The following DOCK1 variants were observed in gnomAD, a reference collection of about 807,000 sequenced individuals.
DOCK1 encodes the protein dedicator of cytokinesis protein 1.
Under a neutral mutation model 262.7 loss-of-function variants are expected in DOCK1, and 138 were observed. The ratio of observed to expected loss-of-function variants is 0.53; its 90% CI spans 0.46 to 0.61. The LOEUF is 0.61. Ranked by LOEUF, DOCK1 falls within the 20% of genes least tolerant of loss-of-function variation. The pLI is 0.00. For missense variants in DOCK1, 1,908 were observed against 2,370.7 expected, an observed-to-expected ratio of 0.80 and a Z score of 4.05; for synonymous variants, 866 against 867.4, an observed-to-expected ratio of 1.00 and a Z score of 0.03.
Position 127,416,804 on chromosome 10 carries a change from G to A in DOCK1, c.4516-1561G>A, listed in dbSNP as rs2068182148. ...TGCATTTGTTGAAGCTGTGTGCCCG[G>A]GATGAAATGTCGTAGGGCCTGGCAA... On this transcript the variant is annotated intron_variant, in intron 44 of 51. Transcript: ENST00000623213. 1.3e-5 allele frequency among the ~76,000 whole-genome samples: 2 copies of A among 152,202 alleles called. 1 individual carries two copies. The highest frequency in any genetic ancestry group is 4.1e-4 in the South Asian group (2 of 4,822).
intron 51 of DOCK1, among the ~76,000 whole-genome samples, chr10:127,450,945 C>T (rs1016240390): frequency 3.3e-5 from 5 of 152,154 alleles, no homozygotes; most frequent in Non-Finnish European, 7.3e-5. Flanking sequence ...CTAACCTTTG[C>T]CCGAAGCTCA....
At chr10:127,179,695 A>G (rs912687899) in intron 27 of DOCK1, among the ~76,000 whole-genome samples, 1 of 152,192 alleles carries the variant, frequency 6.6e-6, no homozygotes, top group South Asian at 2.1e-4. Flanking sequence ...TTGTTATGAA[A>G]GGAAATGGGG....
At chr10:127,030,152 G>A (rs775458971) in intron 16 of DOCK1, among the ~76,000 whole-genome samples, 4 of 152,132 alleles carry the variant, frequency 2.6e-5, no homozygotes, top group Non-Finnish European at 5.9e-5. Flanking sequence ...ATTTTGAGCC[G>A]TGGACTCAAG....
At position 127,127,749 on chromosome 10, in the gene DOCK1, A is replaced by G. The variant is rs1060561; in HGVS notation, c.2832A>G (p.Arg944=). 0.84 allele frequency: 1,352,961 copies of G among 1,612,032 alleles called. 573,571 individuals carry two copies. The highest frequency in any genetic ancestry group is 0.9 in the South Asian group (81,870 of 90,954). ...TVNRTVISMG[R]DSELIGNFVA... is the part of the protein sequence containing the mutation. ...ACCGAACCGTCATTTCCATGGGACGAGATTCTGAACTCATTGTAAGTGCTT... is the reference window on the plus strand; with the variant it reads ...ACCGAACCGTCATTTCCATGGGACGGGATTCTGAACTCATTGTAAGTGCTT... Residue 944 remains arginine, a synonymous_variant, in exon 27 of 52, where the codon CGA becomes CGG. Coordinates refer to ENST00000623213, the MANE Select transcript of DOCK1 (RefSeq NM_001290223.2).
rs1242890428 is a variant in DOCK1, at chr10:127,309,097, T to G, written c.3045-29909T>G. Reference sequence around the variant, plus strand: ...ATTTCTCCACAGCCTCGCCAGTATCTGTTGTTTCTTGACTTTTTAATAATC... The same window carrying G: ...ATTTCTCCACAGCCTCGCCAGTATCGGTTGTTTCTTGACTTTTTAATAATC... On this transcript the variant is annotated intron_variant, in intron 29 of 51. Coordinates refer to ENST00000623213, the MANE Select transcript of DOCK1 (RefSeq NM_001290223.2). Among the ~76,000 whole-genome samples the G allele has an allele frequency of 2.0e-5, 3 of 152,322 alleles. No individual in the cohort carries two copies. The East Asian group carries it at 5.8e-4, about 29-fold the overall frequency.
At chr10:127,087,808 CA>C (rs2047283955) in intron 23 of DOCK1, among the ~76,000 whole-genome samples, 1 of 152,158 alleles carries the variant, frequency 6.6e-6, no homozygotes, top group South Asian at 2.1e-4. Context: ...ACTTTGGCTA[CA>C]AATACACATC....
chr10:127,238,678 G>C (rs1327225633), intron 27 of DOCK1, among the ~76,000 whole-genome samples: 1 of 152,018 alleles, frequency 6.6e-6, no homozygotes, highest in Non-Finnish European at 1.5e-5. Flanking sequence ...ACGTGGCCAG[G>C]GGAGCCTCCC....
At chr10:127,344,906 G>A (rs962548903) in intron 31 of DOCK1, among the ~76,000 whole-genome samples, 8 of 152,080 alleles carry the variant, frequency 5.3e-5, no homozygotes, top group African/African-American at 1.7e-4. Flanking sequence ...TTATAGTCAC[G>A]TACTGCATAA....
At position 126,948,901 on chromosome 10, in the gene DOCK1, G is replaced by A. The variant is rs945483482; in HGVS notation, c.47-21801G>A. Among the ~76,000 whole-genome samples the A allele has an allele frequency of 1.4e-3, 210 of 152,224 alleles. 1 individual carries two copies. Among genetic ancestry groups the A allele is most frequent in the East Asian group, 1.2e-3 (6 of 5,152 alleles). ...TGGCCCAGGGTAGTACTGGGGTTGC[G>A]TGAGAAGGCAGGTCTGGAGCTGGTT... On this transcript the variant is annotated intron_variant, in intron 1 of 51. Coordinates refer to ENST00000623213, the MANE Select transcript of DOCK1 (RefSeq NM_001290223.2).
rs78381385 is a variant in DOCK1 at position 127,040,475 on chromosome 10, G to A, written c.2011-2150G>A. ...CCTCTCTCCCAAAGGAAACGGATGA[G>A]GCTCATGCTGGGCATGCTGGACATC... On this transcript the variant is annotated intron_variant, in intron 19 of 51. Coordinates refer to ENST00000623213, the MANE Select transcript of DOCK1 (RefSeq NM_001290223.2). Among the ~76,000 whole-genome samples the A allele has an allele frequency of 2.8e-3, 430 of 152,262 alleles. 3 individuals are homozygous for A. The highest frequency in any genetic ancestry group is 9.7e-3 in the African/African-American group (404 of 41,550).
At chr10:127,257,736 C>G (rs1431655687) in intron 29 of DOCK1, 1 of 231,916 alleles carries the variant, frequency 4.3e-6, no homozygotes, top group Non-Finnish European at 8.6e-6. Context: ...GCTCTGCGCT[C>G]TCATGTTACC....
intron 27 of DOCK1, among the ~76,000 whole-genome samples, chr10:127,188,414 G>A (rs187658169): frequency 2.0e-5 from 3 of 152,156 alleles, no homozygotes; most frequent in African/African-American, 4.8e-5. Flanking sequence ...GGTTGGAGAC[G>A]CAAAACATTT....
At chr10:127,331,258 TTTG>T (rs1045704173) in intron 29 of DOCK1, among the ~76,000 whole-genome samples, 12 of 151,980 alleles carry the variant, frequency 7.9e-5, no homozygotes, top group Admixed American at 1.3e-4. Context: ...TGACTCAGTT[TTTG>T]TTGTTGTTGT....
chr10:127,070,379 G>A (rs1445830262), intron 23 of DOCK1, among the ~76,000 whole-genome samples: 2 of 145,134 alleles, frequency 1.4e-5, no homozygotes, highest in East Asian at 4.2e-4. Context: ...TCAGCCTCCC[G>A]AGTAGCTGGG....
At chr10:127,130,890 G>T (rs1229457621) in intron 27 of DOCK1, among the ~76,000 whole-genome samples, 1 of 152,138 alleles carries the variant, frequency 6.6e-6, no homozygotes, top group Non-Finnish European at 1.5e-5. Flanking sequence ...AGAAGTCATC[G>T]AAAGGACTGA....
At chr10:127,231,127 G>A (rs1463194416) in intron 27 of DOCK1, among the ~76,000 whole-genome samples, 1 of 151,602 alleles carries the variant, frequency 6.6e-6, no homozygotes, top group African/African-American at 2.4e-5. Context: ...AGAAATTTTT[G>A]TTTTAAGACT....
At position 127,280,073 on chromosome 10, in the gene DOCK1, C is replaced by T. The variant is rs1420859375; in HGVS notation, c.3044+22644C>T. Among the ~76,000 whole-genome samples the T allele has an allele frequency of 6.6e-5, 9 of 135,418 alleles. No individual in the cohort carries two copies. The Admixed American group carries it at 7.2e-4, about 11-fold the overall frequency. 88.8% of individuals were successfully genotyped at this position (135,418 alleles called of 152,430 possible). A position where few individuals can be genotyped will look rare whatever the true frequency, so the allele number is the denominator to read the frequency against. Reference sequence around the variant, plus strand: ...TTTTTGAGACGGAGTCTCGCTCTGTCGCCCAGGCTGGAGTGCAGCGGCGCG... The same window carrying T: ...TTTTTGAGACGGAGTCTCGCTCTGTTGCCCAGGCTGGAGTGCAGCGGCGCG... On this transcript the variant is annotated intron_variant, in intron 29 of 51. Transcript: ENST00000623213.
chr10:127,220,426 A>C (rs920957046), intron 27 of DOCK1, among the ~76,000 whole-genome samples: 4 of 151,552 alleles, frequency 2.6e-5, no homozygotes, highest in African/African-American at 9.7e-5. Context: ...CACATTTAAC[A>C]AATAAAAATA....
intron 43 of DOCK1, among the ~76,000 whole-genome samples, chr10:127,411,268 G>C (rs1258803537): frequency 6.6e-6 from 1 of 152,134 alleles, no homozygotes; most frequent in Non-Finnish European, 1.5e-5. Flanking sequence ...ACCGAGTGCT[G>C]AGGTGCGGGG....
Sources: allele counts gnomAD v4.1 joint callset (sites outside exome capture counted in the v4.1 genomes callset), GRCh38; gene constraint gnomAD v4.1.1; transcripts MANE v1.5; gene names NCBI Gene and HGNC (gene_info 2026-07-23, HGNC 2026-07-21).